Variants in ZNF503 observed in about 807,000 individuals in gnomAD.
The protein encoded by ZNF503 is zinc finger protein 503, also known as NocA-like zinc finger 2.
Under a neutral mutation model 34.4 loss-of-function variants are expected in ZNF503, and 15 were observed. The observed-to-expected ratio is 0.44, with a 90% confidence interval of 0.29 to 0.67. ZNF503 has a LOEUF of 0.67. Ranked by LOEUF, ZNF503 falls within the 30% of genes least tolerant of loss-of-function variation. ZNF503 has a pLI of 0.13. For synonymous variants in ZNF503, 580 were observed against 456.8 expected (o/e 1.27, Z -3.44); for missense variants, 1,007 against 926.8 (o/e 1.09, Z -1.12).
At chr10:75,300,739 T>A in the ZNF503 span, among the ~76,000 whole-genome samples, 1 of 128,992 alleles carries the variant, frequency 7.8e-6, no homozygotes, top group African/African-American at 3.1e-5. Context: ...AGAGTCTCAC[T>A]CTGTCACCCA....
At chr10:75,303,831 CTTT>C in the ZNF503 span, among the ~76,000 whole-genome samples, 13 of 124,458 alleles carry the variant, frequency 1.0e-4, no homozygotes, top group Admixed American at 8.5e-5. Context: ...GTGGCTAAAT[CTTT>C]TTTTTTTTTT....
the ZNF503 span, among the ~76,000 whole-genome samples, chr10:75,353,289 C>T: frequency 5.9e-5 from 9 of 152,204 alleles, no homozygotes; most frequent in Admixed American, 4.6e-4. Flanking sequence ...GTTCTTTTAA[C>T]CCCTTCAGTG....
chr10:75,305,838 T>G, the ZNF503 span, among the ~76,000 whole-genome samples: 1 of 152,216 alleles, frequency 6.6e-6, no homozygotes, highest in African/African-American at 2.4e-5. Flanking sequence ...AGTTCATCCA[T>G]GTTGTAGCAT....
the ZNF503 span, among the ~76,000 whole-genome samples, chr10:75,375,612 G>A: frequency 6.6e-6 from 1 of 152,010 alleles, no homozygotes; most frequent in Non-Finnish European, 1.5e-5. Context: ...CACCTCCTGG[G>A]TTCAAGAGAT....
At chr10:75,355,044 CATGTTGGT>C in the ZNF503 span, among the ~76,000 whole-genome samples, 1 of 152,214 alleles carries the variant, frequency 6.6e-6, no homozygotes, top group South Asian at 2.1e-4. Context: ...AGGGTTCCGC[CATGTTGGT>C]CAGGTTGGTC....
the ZNF503 span, among the ~76,000 whole-genome samples, chr10:75,317,567 G>A: frequency 2.0e-5 from 3 of 151,946 alleles, no homozygotes; most frequent in African/African-American, 7.3e-5. Flanking sequence ...TTACAGGCAT[G>A]AGCCACTGCT....
the ZNF503 span, among the ~76,000 whole-genome samples, chr10:75,349,622 C>G: frequency 6.6e-6 from 1 of 152,194 alleles, no homozygotes; most frequent in Non-Finnish European, 1.5e-5. Context: ...GGGATTAGGT[C>G]TGTCTGACTC....
downstream of ZNF503, among the ~76,000 whole-genome samples, chr10:75,395,286 C>T (rs940007533): frequency 5.3e-5 from 8 of 152,208 alleles, no homozygotes; most frequent in Non-Finnish European, 1.0e-4. The surrounding 1 kb of genome is among the most constrained non-coding windows in gnomAD (Gnocchi z 4.4). Context: ...AGCGCAGAAG[C>T]TGGAGCGGGT....
chr10:75,360,820 A>C, the ZNF503 span: 1 of 152,098 alleles, frequency 6.6e-6, no homozygotes, highest in African/African-American at 2.4e-5. Flanking sequence ...CTCAGAATCC[A>C]TTTGGGTCAA....
the ZNF503 span, among the ~76,000 whole-genome samples, chr10:75,345,135 T>C: frequency 2.0e-5 from 3 of 152,176 alleles, no homozygotes; most frequent in African/African-American, 7.2e-5. Context: ...TGCATTGCTC[T>C]GGGAAAGGGA....
chr10:75,301,988 C>A, the ZNF503 span, among the ~76,000 whole-genome samples: 1 of 152,088 alleles, frequency 6.6e-6, no homozygotes, highest in East Asian at 1.9e-4. Flanking sequence ...TGTAGAGTTA[C>A]CATGTGGGGT....
At chr10:75,331,621 A>T in the ZNF503 span, among the ~76,000 whole-genome samples, 3 of 152,042 alleles carry the variant, frequency 2.0e-5, no homozygotes, top group African/African-American at 4.8e-5. Flanking sequence ...GCTCAAAAAA[A>T]TTTGTTTTTA....
the ZNF503 span, among the ~76,000 whole-genome samples, chr10:75,334,591 C>T: frequency 3.3e-5 from 5 of 152,284 alleles, no homozygotes; most frequent in East Asian, 1.9e-4. Flanking sequence ...CATCTTGGAT[C>T]GGGCTGGTTT....
At chr10:75,329,389 C>T in the ZNF503 span, among the ~76,000 whole-genome samples, 1 of 95,594 alleles carries the variant, frequency 1.0e-5, no homozygotes, top group African/African-American at 5.6e-5. Flanking sequence ...TTTCTTCCTT[C>T]CTTCCTTCCT....
At chr10:75,350,240 T>A in the ZNF503 span, 3 of 152,234 alleles carry the variant, frequency 2.0e-5, no homozygotes, top group Admixed American at 2.0e-4. Context: ...ACATAAGTGA[T>A]AAATTAATAC....
At chr10:75,314,313 A>G in the ZNF503 span, among the ~76,000 whole-genome samples, 1 of 151,904 alleles carries the variant, frequency 6.6e-6, no homozygotes, top group East Asian at 1.9e-4. Flanking sequence ...CAGAAAAACA[A>G]TATAAGAACA....
At chr10:75,380,254 C>T in the ZNF503 span, among the ~76,000 whole-genome samples, 7 of 152,286 alleles carry the variant, frequency 4.6e-5, no homozygotes, top group South Asian at 4.1e-4. Context: ...AGGTTTAGAG[C>T]GCTTACCACC....
At chr10:75,339,186 G>A in the ZNF503 span, among the ~76,000 whole-genome samples, 5 of 152,118 alleles carry the variant, frequency 3.3e-5, no homozygotes, top group African/African-American at 9.7e-5. Context: ...AGCCGAGATC[G>A]TGCCATTGCA....
the ZNF503 span, among the ~76,000 whole-genome samples, chr10:75,376,484 A>T: frequency 2.0e-5 from 3 of 152,108 alleles, no homozygotes; most frequent in East Asian, 5.8e-4. Flanking sequence ...TCTCTACGAA[A>T]AATACAAAAA....
Sources: allele counts gnomAD v4.1 joint callset (sites outside exome capture counted in the v4.1 genomes callset), GRCh38; gene constraint gnomAD v4.1.1; non-coding constraint Gnocchi (gnomAD v3.1); transcripts MANE v1.5; gene names NCBI Gene and HGNC (gene_info 2026-07-23, HGNC 2026-07-21).